KCNN2: variants seen among roughly 807,000 people sequenced by gnomAD.
KCNN2 encodes the protein potassium calcium-activated channel subfamily N member 2.
In KCNN2, 24 loss-of-function variants were observed where a neutral mutation model predicts 55.5. That is an observed-to-expected ratio of 0.43 (90% CI 0.31 to 0.61). The LOEUF is 0.61. Among genes scored for constraint, KCNN2 ranks in the 20% least tolerant of loss-of-function variants. The pLI is 0.08. For missense variants in KCNN2, 754 were observed against 853.6 expected (o/e 0.88, Z 1.45); for synonymous variants, 431 against 336.1 (o/e 1.28, Z -3.09).
At chr5:114,169,580 T>A (rs906294713) in intron 1 of KCNN2, among the ~76,000 whole-genome samples, 43 of 152,118 alleles carry the variant, frequency 2.8e-4, no homozygotes, top group Non-Finnish European at 6.3e-4. Flanking sequence ...ACAGGAAGAA[T>A]GCGACAGAGC....
intron 1 of KCNN2, among the ~76,000 whole-genome samples, chr5:114,178,601 T>C (rs185439793): frequency 5.4e-4 from 82 of 152,354 alleles, no homozygotes; most frequent in Admixed American, 2.4e-3. Context: ...TGCATAATTT[T>C]CCCACTTCAA....
chr5:114,272,420 CATATGTACGT>C (rs1561549138), intron 2 of KCNN2, among the ~76,000 whole-genome samples: 22 of 16,102 alleles, frequency 1.4e-3, no homozygotes, highest in South Asian at 1.0e-2. Flanking sequence ...TATCTACACA[CATATGTACGT>C]ACATATCATA....
At chr5:114,150,121 A>T (rs2112516294) in intron 1 of KCNN2, among the ~76,000 whole-genome samples, 1 of 152,328 alleles carries the variant, frequency 6.6e-6, no homozygotes. Flanking sequence ...CTGGCAGTCC[A>T]ACCTGGCATT....
intron 2 of KCNN2, among the ~76,000 whole-genome samples, chr5:114,340,679 TG>T: frequency 6.6e-6 from 1 of 151,934 alleles, no homozygotes; most frequent in Non-Finnish European, 1.5e-5. Flanking sequence ...TGTGTGTGTG[TG>T]TGTGTGTGTG....
chr5:114,315,445 GTGTGTGTGTGTGTGTGTGTGTATATA>G (rs1458484924), intron 2 of KCNN2, among the ~76,000 whole-genome samples: 2 of 107,812 alleles, frequency 1.9e-5, no homozygotes, highest in Admixed American at 9.7e-5. Flanking sequence ...GTGTGTGTGT[GTGTGTGTGTGTGTGTGTGTGTATATA>G]TATATAAAAC....
chr5:114,426,943 C>T (rs139483297), intron 3 of KCNN2, among the ~76,000 whole-genome samples: 270 of 152,280 alleles, frequency 1.8e-3, no homozygotes, highest in Non-Finnish European at 3.0e-3. Flanking sequence ...AAGCATTACA[C>T]ACTCACAGCG....
At chr5:114,431,717 G>T (rs1242391804) in intron 3 of KCNN2, among the ~76,000 whole-genome samples, 2 of 152,020 alleles carry the variant, frequency 1.3e-5, no homozygotes, top group Admixed American at 1.3e-4. Flanking sequence ...TGTGTTCAGT[G>T]CTATAAATTT....
chr5:114,112,270 T>C (rs531623148), intron 1 of KCNN2, among the ~76,000 whole-genome samples: 1 of 152,174 alleles, frequency 6.6e-6, no homozygotes, highest in South Asian at 2.1e-4. Flanking sequence ...TAGGTGGGAA[T>C]TGAACAATGA....
intron 1 of KCNN2, among the ~76,000 whole-genome samples, chr5:114,056,868 A>G (rs1750221148): frequency 6.6e-6 from 1 of 151,834 alleles, no homozygotes; most frequent in Non-Finnish European, 1.5e-5. Flanking sequence ...TTTCCTGTCT[A>G]TGAAAATATG....
intron 4 of KCNN2, among the ~76,000 whole-genome samples, 168 bp downstream of exon 4, chr5:114,463,358 T>A (rs1761296707): frequency 6.6e-6 from 1 of 152,224 alleles, no homozygotes; most frequent in South Asian, 2.1e-4. Flanking sequence ...GTTTTCCTCT[T>A]AATTCTTCTC....
chr5:114,387,520 A>G (rs1038899409), intron 2 of KCNN2, among the ~76,000 whole-genome samples: 6 of 129,146 alleles, frequency 4.6e-5, no homozygotes, highest in Admixed American at 4.6e-4. Flanking sequence ...TTAGAAAAAA[A>G]TTTAAAAACT....
chr5:114,207,280 AG>A (rs1255353470), intron 1 of KCNN2, among the ~76,000 whole-genome samples: 1 of 152,196 alleles, frequency 6.6e-6, no homozygotes, highest in East Asian at 1.9e-4. Flanking sequence ...TAGAGAAAAT[AG>A]GTTCCCAGTG....
intron 5 of KCNN2, chr5:114,486,792 T>C: frequency 7.4e-7 from 1 of 1,353,086 alleles, no homozygotes; most frequent in Non-Finnish European, 9.7e-7. Context: ...AAAAAAGAAG[T>C]TTCCTGAAGG....
At chr5:114,158,235 T>A (rs1446536563) in intron 1 of KCNN2, among the ~76,000 whole-genome samples, 1 of 152,232 alleles carries the variant, frequency 6.6e-6, no homozygotes. Context: ...TAGCCAGTTT[T>A]CCCAGCAGCA....
chr5:114,182,147 T>C (rs1283468073), intron 1 of KCNN2, among the ~76,000 whole-genome samples: 1 of 152,206 alleles, frequency 6.6e-6, no homozygotes, highest in Non-Finnish European at 1.5e-5. Context: ...TTTGGATTCA[T>C]TGCAGAAACT....
At chr5:114,096,718 C>T (rs11949770) in intron 1 of KCNN2, among the ~76,000 whole-genome samples, 22,538 of 152,170 alleles carry the variant, frequency 0.15, 1,767 homozygotes, top group Middle Eastern at 0.21. Flanking sequence ...CTCTTCCCCA[C>T]AGGCTTCATT....
chr5:114,279,272 A>G (rs1755566780), intron 2 of KCNN2, among the ~76,000 whole-genome samples: 1 of 151,994 alleles, frequency 6.6e-6, no homozygotes, highest in South Asian at 2.1e-4. Context: ...CAATGTCTTT[A>G]TCACTACTCC....
chr5:114,487,130 T>C lies in KCNN2; in HGVS notation c.1971T>C (p.His657=), dbSNP rs762223621. Residue 657 remains histidine, a synonymous_variant, in exon 6 of 8, where the codon CAT becomes CAC. Coordinates refer to ENST00000673685, the MANE Select transcript of KCNN2 (RefSeq NM_021614.4). ...CAAAGCTAGTGAAAAAGATAGATCA[T>C]GCAAAAGTAAGAAAACATCAACGAA... ...KNTKLVKKID[H]AKVRKHQRKF... 4.3e-6 allele frequency: 7 copies of C among 1,612,992 alleles called. No homozygotes were observed. Among genetic ancestry groups the C allele is most frequent in the Middle Eastern group, 1.7e-4 (1 of 6,052 alleles).
At chr5:114,387,054 G>A (rs938680183) in intron 2 of KCNN2, among the ~76,000 whole-genome samples, 4 of 152,120 alleles carry the variant, frequency 2.6e-5, no homozygotes, top group African/African-American at 9.7e-5. Context: ...AACTTGTGTT[G>A]TAAAGAAAAC....
Sources: gnomAD v4.1 joint callset for allele counts (sites outside exome capture counted in the v4.1 genomes callset) on GRCh38, gnomAD v4.1.1 for gene constraint, MANE v1.5 for transcripts, NCBI Gene and HGNC (gene_info 2026-07-23, HGNC 2026-07-21) for gene names.